ANKS1B: variants seen among roughly 807,000 people sequenced by gnomAD.
ANKS1B encodes the protein ankyrin repeat and sterile alpha motif domain containing 1B.
Under a neutral mutation model 148.3 loss-of-function variants are expected in ANKS1B, and 36 were observed. That is an observed-to-expected ratio of 0.24 (90% CI 0.19 to 0.32). ANKS1B has a LOEUF of 0.32. Among genes scored for constraint, ANKS1B ranks in the 10% least tolerant of loss-of-function variants. The pLI is 1.00. For synonymous variants in ANKS1B, 542 were observed against 560.8 expected (o/e 0.97, Z 0.47); for missense variants, 1,157 against 1,542.6 (o/e 0.75, Z 4.19).
At chr12:99,063,538 C>T (rs1290128193) in intron 16 of ANKS1B, among the ~76,000 whole-genome samples, 3 of 152,196 alleles carry the variant, frequency 2.0e-5, no homozygotes, top group Non-Finnish European at 4.4e-5. Flanking sequence ...CACGAGGCCC[C>T]AGAAAAAAGT....
intron 17 of ANKS1B, among the ~76,000 whole-genome samples, chr12:98,832,776 T>C (rs1226830942): frequency 1.3e-5 from 2 of 152,168 alleles, no homozygotes; most frequent in Non-Finnish European, 1.5e-5. Context: ...ATCCTCATTT[T>C]ATCACACTCT....
At position 99,369,747 on chromosome 12, in the gene ANKS1B, AAGATAGAT is replaced by A. The variant is rs75456516; in HGVS notation, c.1756+29876_1756+29883del. 5.0e-3 allele frequency among the ~76,000 whole-genome samples: 710 copies of A among 143,394 alleles called. 6 individuals are homozygous for A. Among genetic ancestry groups the A allele is most frequent in the Admixed American group, 0.012 (165 of 14,216 alleles). 94.1% of individuals were successfully genotyped at this position (143,394 alleles called of 152,430 possible). On this transcript the variant is annotated intron_variant, in intron 12 of 26. Coordinates refer to ENST00000683438, the MANE Select transcript of ANKS1B (RefSeq NM_001352186.2). ...ATAGACAGATAGATAAATGGATAGA[AAGATAGAT>A]AGATAGATAGATAGATAGATAGATA...
chr12:99,171,796 G>A, intron 14 of ANKS1B, among the ~76,000 whole-genome samples: 1 of 152,146 alleles, frequency 6.6e-6, no homozygotes, highest in East Asian at 1.9e-4. Flanking sequence ...TTGCTGGCAA[G>A]TGTTTGAATC....
At chr12:99,163,352 T>C (rs1257447642) in intron 14 of ANKS1B, among the ~76,000 whole-genome samples, 1 of 152,118 alleles carries the variant, frequency 6.6e-6, no homozygotes, top group Non-Finnish European at 1.5e-5. Flanking sequence ...TTCAGTTTTC[T>C]CCAGTTGTGA....
chr12:99,629,921 C>T (rs2098141826), intron 9 of ANKS1B, among the ~76,000 whole-genome samples: 1 of 152,042 alleles, frequency 6.6e-6, no homozygotes, highest in Admixed American at 6.6e-5. Context: ...AAGGTACATA[C>T]CTTGTAAGTT....
At chr12:99,491,593 T>C (rs2096555971) in intron 10 of ANKS1B, among the ~76,000 whole-genome samples, 2 of 152,190 alleles carry the variant, frequency 1.3e-5, no homozygotes, top group Non-Finnish European at 2.9e-5. Context: ...CTGGTGTCCA[T>C]CATTTAGCAC....
rs145067907 is a variant in ANKS1B at position 98,829,189 on chromosome 12, C to T, written c.3051G>A (p.Glu1017=). The part of the protein sequence containing the change: ...YFDDIPRSKL[E]RQMAQQSSVC... Reference sequence around the variant, plus strand: ...AACACCTTACCTGAGCCATCTGCCTCTCCAGTTTTGATCGGGGAATATCAT... The same window carrying T: ...AACACCTTACCTGAGCCATCTGCCTTTCCAGTTTTGATCGGGGAATATCAT... Residue 1017 remains glutamate (E), a synonymous_variant, in exon 19 of 27, where the codon GAG becomes GAA. Coordinates refer to ENST00000683438, the MANE Select transcript of ANKS1B (RefSeq NM_001352186.2). This position sits in a 1 kb window ranked among gnomAD's most constrained non-coding sequence, Gnocchi z 5.2. The T allele has an allele frequency of 1.2e-5, 20 of 1,614,006 alleles. No homozygotes were observed. In the African/African-American group the frequency reaches 2.5e-4, roughly 20 times the overall value.
chr12:98,801,256 A>T lies in ANKS1B; in HGVS notation c.3142-131T>A. ...ATGCATTTGGGTGTCTTATGTGAAT[A>T]TAAATACTTGGTTATTACATTTTTA... is the stretch of plus-strand genomic sequence containing the variant. On this transcript the variant is annotated intron_variant, in intron 20 of 26. Coordinates refer to ENST00000683438, the MANE Select transcript of ANKS1B (RefSeq NM_001352186.2). This position sits in a 1 kb window ranked among gnomAD's most constrained non-coding sequence, Gnocchi z 5.2. The T allele has an allele frequency of 3.8e-6, 3 of 783,230 alleles. No homozygotes were observed. The allele number at this position is 783,230 out of a possible 1,614,324, so 48.5% of individuals were successfully genotyped here. A position where few individuals can be genotyped will look rare whatever the true frequency, so the allele number is the denominator to read the frequency against.
intron 14 of ANKS1B, among the ~76,000 whole-genome samples, chr12:99,196,210 A>C (rs542606932): frequency 6.6e-6 from 1 of 152,310 alleles, no homozygotes; most frequent in Admixed American, 6.5e-5. Context: ...CATAACAATA[A>C]AAATATTATT....
chr12:99,099,157 G>T (rs2057244122), intron 15 of ANKS1B, among the ~76,000 whole-genome samples: 1 of 152,140 alleles, frequency 6.6e-6, no homozygotes, highest in Non-Finnish European at 1.5e-5. Flanking sequence ...GGAGGGCTTG[G>T]GTGGGTCACT....
chr12:99,875,141 T>C (rs557166661), intron 1 of ANKS1B, among the ~76,000 whole-genome samples: 16 of 152,254 alleles, frequency 1.1e-4, no homozygotes, highest in Non-Finnish European at 1.5e-5. Context: ...TTAAAAGATA[T>C]CAAATAGTTT....
chr12:99,236,124 G>T (rs749629021), intron 14 of ANKS1B, among the ~76,000 whole-genome samples: 1 of 152,212 alleles, frequency 6.6e-6, no homozygotes, highest in Non-Finnish European at 1.5e-5. Flanking sequence ...ACCACATTTT[G>T]AGAAAAATTC....
chr12:98,830,352 T>A (rs776438725), intron 18 of ANKS1B, among the ~76,000 whole-genome samples: 1 of 152,120 alleles, frequency 6.6e-6, no homozygotes, highest in African/African-American at 2.4e-5. Context: ...CCTCCAAATA[T>A]CCCAGTGTAC....
chr12:98,743,516 G>A (rs562459989), downstream of ANKS1B, among the ~76,000 whole-genome samples: 3 of 151,938 alleles, frequency 2.0e-5, no homozygotes, highest in Non-Finnish European at 4.4e-5. Flanking sequence ...AAATCTCTTC[G>A]TCAATGCATG....
At chr12:99,878,953 T>C (rs748407857) in intron 1 of ANKS1B, among the ~76,000 whole-genome samples, 5 of 152,188 alleles carry the variant, frequency 3.3e-5, no homozygotes, top group Non-Finnish European at 7.3e-5. Context: ...GTTATTGTTA[T>C]TGTTTATTTC....
intron 16 of ANKS1B, among the ~76,000 whole-genome samples, chr12:99,065,460 C>T (rs576673479): frequency 6.6e-6 from 1 of 152,290 alleles, no homozygotes; most frequent in Admixed American, 6.5e-5. Context: ...ATTAGCAGTA[C>T]ACAAATGAAT....
intron 16 of ANKS1B, among the ~76,000 whole-genome samples, chr12:99,059,261 T>A (rs937960400): frequency 1.2e-4 from 19 of 152,218 alleles, no homozygotes; most frequent in Admixed American, 7.2e-4. Flanking sequence ...AAATGAGGTG[T>A]TAATCATTTT....
intron 8 of ANKS1B, among the ~76,000 whole-genome samples, chr12:99,715,421 C>G (rs1226673263): frequency 6.6e-6 from 1 of 152,186 alleles, no homozygotes; most frequent in African/African-American, 2.4e-5. Flanking sequence ...GAGAACAATT[C>G]CCCTTTGACT....
At chr12:99,603,945 C>T (rs547567257) in intron 9 of ANKS1B, among the ~76,000 whole-genome samples, 2 of 152,186 alleles carry the variant, frequency 1.3e-5, no homozygotes, top group Admixed American at 6.5e-5. Flanking sequence ...CTTACCTAGT[C>T]CAATGATATG....
Sources: gnomAD v4.1 joint callset for allele counts (sites outside exome capture counted in the v4.1 genomes callset) on GRCh38, gnomAD v4.1.1 for gene constraint, Gnocchi (gnomAD v3.1) non-coding constraint, MANE v1.5 for transcripts, NCBI Gene and HGNC (gene_info 2026-07-23, HGNC 2026-07-21) for gene names.